FLT1: variants seen among roughly 807,000 people sequenced by gnomAD.
The protein encoded by FLT1 is fms related receptor tyrosine kinase 1.
In FLT1, 49 loss-of-function variants were observed where a neutral mutation model predicts 156.3. That is an observed-to-expected ratio of 0.31 (90% confidence interval 0.25 to 0.40). FLT1 has a LOEUF of 0.40. Among genes scored for constraint, FLT1 ranks in the 10% least tolerant of loss-of-function variants. The probability of loss-of-function intolerance (pLI) is 1.00; values close to 1 mark genes in which losing one functional copy is unlikely to be tolerated. For synonymous variants in FLT1, 594 were observed against 583.8 expected (o/e 1.02, Z -0.25); for missense variants, 1,322 against 1,637.2 (o/e 0.81, Z 3.32).
intron 25 of FLT1, 37 bp from the exon 26 acceptor site, chr13:28,312,135 C>T (rs558173203): frequency 3.9e-6 from 5 of 1,296,684 alleles, no homozygotes; most frequent in Non-Finnish European, 4.5e-6. Context: ...AGTTGGAGAG[C>T]AGTGATCATC....
intron 10 of FLT1, among the ~76,000 whole-genome samples, chr13:28,409,437 T>G (rs939973698): frequency 2.0e-5 from 3 of 151,700 alleles, no homozygotes; most frequent in African/African-American, 7.3e-5. Context: ...TGGGCTCAAC[T>G]GACCCTCCAA....
At chr13:28,346,285 A>G (rs1200355417) in intron 15 of FLT1, 3 of 152,408 alleles carry the variant, frequency 2.0e-5, no homozygotes, top group African/African-American at 4.8e-5. Flanking sequence ...GAAAAGACTT[A>G]AAGTATTCAA....
chr13:28,327,639 C>A (rs1209425037), intron 19 of FLT1, 89 bp from the exon 20 acceptor site: 8 of 864,984 alleles, frequency 9.2e-6, no homozygotes, highest in Non-Finnish European at 1.6e-5. Context: ...AAACCTCAAA[C>A]CAACCAGCCT....
At chr13:28,434,349 T>C (rs1877900473) in intron 4 of FLT1, 129 bp from the exon 5 acceptor site, 2 of 874,962 alleles carry the variant, frequency 2.3e-6, no homozygotes, top group African/African-American at 3.4e-5. Context: ...AGTTTGCTTA[T>C]AACAAACTAG....
At chr13:28,357,780 C>T (rs1872953761) in intron 14 of FLT1, 95 bp from the exon 15 acceptor site, 3 of 1,176,656 alleles carry the variant, frequency 2.5e-6, no homozygotes, top group Non-Finnish European at 2.5e-6. Flanking sequence ...ATTATGCATT[C>T]AGACAAGGAA....
intron 16 of FLT1, among the ~76,000 whole-genome samples, chr13:28,344,640 CCTA>C (rs1872489605): frequency 6.6e-6 from 1 of 152,060 alleles, no homozygotes; most frequent in African/African-American, 2.4e-5. Context: ...ATATTACAGA[CCTA>C]AGTATAGAAA....
At chr13:28,342,028 G>A (rs746304841) in intron 16 of FLT1, among the ~76,000 whole-genome samples, 6 of 151,994 alleles carry the variant, frequency 3.9e-5, no homozygotes, top group African/African-American at 1.5e-4. Context: ...GATCATAGGC[G>A]CCTGCCACCA....
intron 3 of FLT1, among the ~76,000 whole-genome samples, chr13:28,445,963 CA>C (rs1878592207): frequency 6.6e-6 from 1 of 151,886 alleles, no homozygotes; most frequent in South Asian, 2.1e-4. Flanking sequence ...ATACAATGCC[CA>C]AGTGGGATTT....
chr13:28,433,736 T>A, intron 6 of FLT1, 83 bp downstream of exon 6: 3 of 1,364,564 alleles, frequency 2.2e-6, no homozygotes, highest in Non-Finnish European at 3.1e-6. Context: ...GATTTTCTGA[T>A]TTTTCCCATC....
chr13:28,353,942 G>A (rs577063968), intron 15 of FLT1, among the ~76,000 whole-genome samples: 2 of 152,204 alleles, frequency 1.3e-5, no homozygotes, highest in African/African-American at 4.8e-5. Flanking sequence ...AAAAAGAGCA[G>A]ACAGTTTCCT....
intron 1 of FLT1, among the ~76,000 whole-genome samples, chr13:28,489,116 A>C (rs1881337766): frequency 6.6e-6 from 1 of 152,184 alleles, no homozygotes; most frequent in African/African-American, 2.4e-5. Flanking sequence ...ACAGTTTCTC[A>C]AAGAGTTGAA....
chr13:28,414,987 TGCCAGG>T lies in FLT1; in HGVS notation c.1437-9099_1437-9094del, dbSNP rs371022058. 4.9e-3 allele frequency among the ~76,000 whole-genome samples: 739 copies of T among 152,318 alleles called. 8 individuals are homozygous for T. The highest frequency in any genetic ancestry group is 0.017 in the African/African-American group (705 of 41,558). ...TGAATATTAATGGATACATGGGATC[TGCCAGG>T]GCCCTGGCTAACCTCAGCACAGCAG... On this transcript the variant is annotated intron_variant, in intron 10 of 29. Coordinates refer to ENST00000282397, the MANE Select transcript of FLT1 (RefSeq NM_002019.4).
chr13:28,439,776 C>T lies in FLT1; in HGVS notation c.389-1431G>A, dbSNP rs1878237472. Among the ~76,000 whole-genome samples the T allele has an allele frequency of 6.6e-6, 1 of 152,154 alleles. No individual in the cohort carries two copies. Among genetic ancestry groups the T allele is most frequent in the Non-Finnish European group, 1.5e-5 (1 of 68,040 alleles). On this transcript the variant is annotated intron_variant, in intron 3 of 29. Coordinates refer to ENST00000282397, the MANE Select transcript of FLT1 (RefSeq NM_002019.4). The surrounding 1 kb of genome is among the most constrained non-coding windows in gnomAD (Gnocchi z 4.1). ...AATGCCAAGGATTGCGGGCAACCACCAGCATGTAGGAAGAGGCGAGGGAGG... is the reference window on the plus strand; with the variant it reads ...AATGCCAAGGATTGCGGGCAACCACTAGCATGTAGGAAGAGGCGAGGGAGG...
In FLT1 at chr13:28,319,376, G is replaced by A. The variant is rs766137787; in HGVS notation, c.3286+47C>T. On this transcript the variant is annotated intron_variant, in intron 24 of 29. Coordinates refer to ENST00000282397, the MANE Select transcript of FLT1 (RefSeq NM_002019.4). ...CAAAGGACATTCAGCAGAAGATGCA[G>A]ACATTTATTTCTGGGCTGTTTGATT... 19 of 1,216,880 alleles carry A rather than the reference G, an allele frequency of 1.6e-5. No homozygotes were observed. In the Admixed American group the frequency reaches 2.0e-4, roughly 13 times the overall value. The allele number at this position is 1,216,880 out of a possible 1,614,324, so 75.4% of individuals were successfully genotyped here. A position where few individuals can be genotyped will look rare whatever the true frequency, so the allele number is the denominator to read the frequency against.
chr13:28,457,150 A>G (rs1174755734), intron 3 of FLT1, among the ~76,000 whole-genome samples: 1 of 150,798 alleles, frequency 6.6e-6, no homozygotes, highest in Non-Finnish European at 1.5e-5. Flanking sequence ...TGTGAGCCTG[A>G]AACTGCTCTA....
At chr13:28,487,586 G>T (rs1881234317) in intron 1 of FLT1, among the ~76,000 whole-genome samples, 1 of 152,212 alleles carries the variant, frequency 6.6e-6, no homozygotes, top group African/African-American at 2.4e-5. Context: ...CATTTGTCAA[G>T]ACTGGCAATG....
chr13:28,318,035 T>C (rs1871276369), intron 24 of FLT1, among the ~76,000 whole-genome samples: 1 of 152,126 alleles, frequency 6.6e-6, no homozygotes, highest in African/African-American at 2.4e-5. Context: ...CTTAGCTCAC[T>C]GCAGCCTCGA....
chr13:28,387,582 A>G (rs1297267552), intron 13 of FLT1: 3 of 1,064,400 alleles, frequency 2.8e-6, no homozygotes, highest in Non-Finnish European at 3.4e-6. Flanking sequence ...ATGGCCCCAG[A>G]GATCTGCCAG....
chr13:28,343,711 T>G (rs1443553334), intron 16 of FLT1, among the ~76,000 whole-genome samples: 1 of 151,492 alleles, frequency 6.6e-6, no homozygotes, highest in Non-Finnish European at 1.5e-5. Context: ...GGTGTGATCT[T>G]GGCTTACTGC....
Sources: gnomAD v4.1 joint callset for allele counts (sites outside exome capture counted in the v4.1 genomes callset) on GRCh38, gnomAD v4.1.1 for gene constraint, Gnocchi (gnomAD v3.1) non-coding constraint, MANE v1.5 for transcripts, NCBI Gene and HGNC (gene_info 2026-07-23, HGNC 2026-07-21) for gene names.